The following GFY variants were observed in gnomAD, a reference collection of about 807,000 sequenced individuals.
GFY encodes golgi associated olfactory signaling regulator.
Under a neutral mutation model 29.1 loss-of-function variants are expected in GFY, and 28 were observed. The ratio of observed to expected loss-of-function variants is 0.96; its 90% confidence interval spans 0.71 to 1.32. The LOEUF is 1.32. GFY is among the 40% of genes most tolerant of loss of function. The pLI, the probability that GFY is intolerant of heterozygous loss-of-function variation, is 0.00. For synonymous variants in GFY, 277 were observed against 274.5 expected, an observed-to-expected ratio of 1.01 and a Z score of -0.09; for missense variants, 656 against 661.9, an observed-to-expected ratio of 0.99 and a Z score of 0.10.
rs946119228 is a variant in GFY at position 49,427,330 on chromosome 19, T to G, written c.900T>G (p.Asn300Lys). 8 of 1,536,220 alleles carry G rather than the reference T, an allele frequency of 5.2e-6. No individual in the cohort carries two copies. The highest frequency in any genetic ancestry group is 7.0e-6 in the Non-Finnish European group (8 of 1,146,908). ...VPFKDDATAL[N>K]ELSLNPKPGT... Reference sequence around the variant, plus strand: ...TCAAGGATGACGCCACTGCTCTAAATGAGCTGTCCCTGAATCCCAAACCAG... The same window carrying G: ...TCAAGGATGACGCCACTGCTCTAAAGGAGCTGTCCCTGAATCCCAAACCAG... The change falls in exon 2 of 4, where the codon AAT (asparagine) becomes AAG (lysine). Residue 300 changes from asparagine (N) to lysine (K), a missense_variant. Physicochemically the swap from Asn to Lys is moderately conservative, Grantham distance 94 (BLOSUM62 0). Coordinates refer to ENST00000610896, the MANE Select transcript of GFY (RefSeq NM_001195256.2).
At chr19:49,426,301 C>T (rs1975070730) in intron 1 of GFY, 109 bp from the exon 2 acceptor site, 3 of 1,429,494 alleles carry the variant, frequency 2.1e-6, no homozygotes, top group Non-Finnish European at 2.7e-6. Context: ...CAAGCTGGGC[C>T]CCGGACAGAC....
Position 49,427,609 on chromosome 19 carries a change from G to A in GFY, c.1179G>A (p.Glu393=). Residue 393 remains glutamate (E), a synonymous_variant, in exon 2 of 4, where the codon GAG becomes GAA. Transcript: ENST00000610896. ...TCATCGTGGTGGAGCGAGTGAAGGA[G>A]ACCGGTGAGGGGCAGGAGCCGGACT... ...NTIIVVERVK[E]TGVTLVGRPR... is the part of the protein sequence containing the mutation. The A allele has an allele frequency of 6.8e-7, 1 of 1,462,184 alleles. No individual in the cohort carries two copies. Among genetic ancestry groups the A allele is most frequent in the Non-Finnish European group, 9.0e-7 (1 of 1,113,388 alleles). The allele number at this position is 1,462,184 out of a possible 1,614,324, so 90.6% of individuals were successfully genotyped here.
chr19:49,428,087 A>C lies in GFY; in HGVS notation c.1325A>C (p.His442Pro). 1 of 1,533,994 alleles carries C rather than the reference A, an allele frequency of 6.5e-7. No individual in the cohort carries two copies. The highest frequency in any genetic ancestry group is 1.2e-5 in the South Asian group (1 of 84,032). Residue 442 changes from histidine to proline, a missense_variant, in exon 3 of 4, where the codon CAT becomes CCT. Coordinates refer to ENST00000610896, the MANE Select transcript of GFY (RefSeq NM_001195256.2). ...GCAGCTAGACAGCGGCCCTTCGCACATCACCGGCTTCCGGACGACGGAGAT... is the reference window on the plus strand; with the variant it reads ...GCAGCTAGACAGCGGCCCTTCGCACCTCACCGGCTTCCGGACGACGGAGAT... ...RRAARQRPFA[H>P]HRLPDDGDEP...
upstream of GFY, among the ~76,000 whole-genome samples, chr19:49,424,522 G>A (rs911247751): frequency 2.6e-5 from 4 of 152,116 alleles, no homozygotes; most frequent in Non-Finnish European, 5.9e-5. Context: ...GGGATTACAG[G>A]CGTGAGCCAG....
chr19:49,425,873 G>A (rs148822631), intron 1 of GFY, among the ~76,000 whole-genome samples: 61 of 152,120 alleles, frequency 4.0e-4, no homozygotes, highest in African/African-American at 1.3e-3. Flanking sequence ...CAGGAGCCAG[G>A]AACCTCAGCC....
chr19:49,424,670 G>T (rs552269175), upstream of GFY, among the ~76,000 whole-genome samples: 61 of 152,152 alleles, frequency 4.0e-4, 1 homozygote, highest in South Asian at 0.012. Flanking sequence ...GGCCAACATG[G>T]CGAAACTCCT....
chr19:49,425,497 AC>A lies in GFY; in HGVS notation c.-22+12del. The stretch of plus-strand genomic sequence containing the variant: ...CCTTGGACACCAGAGCAGGTAAGAG[AC>A]CCCAGGACCTCAAGTAAGCCTGTCC... On this transcript the variant is annotated intron_variant, in intron 1 of 3. Coordinates refer to ENST00000610896, the MANE Select transcript of GFY (RefSeq NM_001195256.2). 1 of 152,222 alleles carries A rather than the reference AC, an allele frequency of 6.6e-6. No individual in the cohort carries two copies. Among genetic ancestry groups the A allele is most frequent in the East Asian group, 1.9e-4 (1 of 5,168 alleles). 9.4% of individuals were successfully genotyped at this position (152,222 alleles called of 1,614,324 possible).
At chr19:49,428,454 G>T (rs2078943395) in intron 3 of GFY, among the ~76,000 whole-genome samples, 165 bp from the exon 4 acceptor site, 1 of 151,876 alleles carries the variant, frequency 6.6e-6, no homozygotes, top group Non-Finnish European at 1.5e-5. Flanking sequence ...CCTGGTTTCT[G>T]CAGCGGCCCC....
rs1180332329 is a variant in GFY, at chr19:49,428,007, G to T, written c.1245G>T (p.Ala415=). 10 of 1,535,842 alleles carry T rather than the reference G, an allele frequency of 6.5e-6. No homozygotes were observed. Among genetic ancestry groups the T allele is most frequent in the African/African-American group, 1.4e-5 (1 of 73,056 alleles). Residue 415 remains alanine, a synonymous_variant, in exon 3 of 4, where the codon GCG becomes GCT. Coordinates refer to ENST00000610896, the MANE Select transcript of GFY (RefSeq NM_001195256.2). ...AAGGALCLFF[A]GTALLIGIFV... The stretch of plus-strand genomic sequence containing the variant: ...GCGGGGCCCTCTGCCTGTTCTTCGC[G>T]GGGACCGCGCTGCTGATCGGCATCT...
In GFY at chr19:49,427,092, C is replaced by T; in HGVS notation, c.662C>T (p.Ser221Phe). Residue 221 changes from serine (S) to phenylalanine (F), a missense_variant, in exon 2 of 4, where the codon TCC (serine) becomes TTC (phenylalanine). Physicochemically the swap from Ser to Phe is radical, Grantham distance 155. Transcript: ENST00000610896. ...PKSPEKHDLN[S>F]TETPNSEFLQ... ...TCCCCAGAAAAGCATGACCTCAACT[C>T]CACTGAGACCCCAAACTCTGAATTT... The T allele has an allele frequency of 6.5e-7, 1 of 1,535,742 alleles. No individual in the cohort carries two copies. The highest frequency in any genetic ancestry group is 8.7e-7 in the Non-Finnish European group (1 of 1,146,808).
At position 49,428,903 on chromosome 19, in the gene GFY, C is replaced by A; in HGVS notation, c.*85C>A. 2 of 927,218 alleles carry A rather than the reference C, an allele frequency of 2.2e-6. No individual in the cohort carries two copies. Among genetic ancestry groups the A allele is most frequent in the Non-Finnish European group, 3.1e-6 (2 of 651,928 alleles). The allele number at this position is 927,218 out of a possible 1,614,324, so 57.4% of individuals were successfully genotyped here. ...TGGTATGCTTAGCTAGAGTAGTGCCCCGGATAAAGGGTCTAATATACAGAG... is the reference window on the plus strand; with the variant it reads ...TGGTATGCTTAGCTAGAGTAGTGCCACGGATAAAGGGTCTAATATACAGAG... On this transcript the variant is annotated 3_prime_UTR_variant, in exon 4 of 4. Coordinates refer to ENST00000610896, the MANE Select transcript of GFY (RefSeq NM_001195256.2).
Position 49,428,957 on chromosome 19 carries a change from T to C in GFY, c.*139T>C. 1 of 569,432 alleles carries C rather than the reference T, an allele frequency of 1.8e-6. No individual in the cohort carries two copies. 35.3% of individuals were successfully genotyped at this position (569,432 alleles called of 1,614,324 possible). On this transcript the variant is annotated 3_prime_UTR_variant, in exon 4 of 4. Coordinates refer to ENST00000610896, the MANE Select transcript of GFY (RefSeq NM_001195256.2). ...CTTGCGCTGTGATCAGAGAACAAGGTCTGAGACCGAATAAATATCATGTTC... is the reference window on the plus strand; with the variant it reads ...CTTGCGCTGTGATCAGAGAACAAGGCCTGAGACCGAATAAATATCATGTTC...
intron 3 of GFY, 94 bp from the exon 4 acceptor site, chr19:49,428,525 G>C (rs2078943742): frequency 6.1e-6 from 6 of 975,798 alleles, no homozygotes; most frequent in East Asian, 3.0e-5. Flanking sequence ...CCGGCCTCCT[G>C]ATCGGTCGGC....
At chr19:49,424,119 G>A (rs1975048519), upstream of GFY, 2 of 152,330 alleles carry the variant, frequency 1.3e-5, no homozygotes, top group African/African-American at 4.8e-5. Context: ...AGAGTGAGAA[G>A]AGGGGAAAAC....
Position 49,426,898 on chromosome 19 carries a change from C to A in GFY, c.468C>A (p.Asn156Lys). ...GATCCCCTGAGACCCCCAAACCTAA[C>A]TTCTCCAAAACTTCACGCCCAGAAT... Reference protein sequence around the residue: ...HPGSPETPKPNFSKTSRPEFP... With the variant: ...HPGSPETPKPKFSKTSRPEFP... Residue 156 changes from asparagine (N) to lysine (K), a missense_variant, in exon 2 of 4, where the codon AAC becomes AAA. By Grantham distance (94) the Asn-to-Lys change is moderately conservative. Transcript: ENST00000610896. 2 of 1,535,922 alleles carry A rather than the reference C, an allele frequency of 1.3e-6. No homozygotes were observed. The highest frequency in any genetic ancestry group is 1.7e-6 in the Non-Finnish European group (2 of 1,146,816).
chr19:49,426,592 A>T lies in GFY; in HGVS notation c.162A>T (p.Arg54=). ...AGGGTGCTTCTGAAAATTCCAAACG[A>T]GATCGCCTTAACCCAGAATTTCCTG... is the stretch of plus-strand genomic sequence containing the variant. The part of the protein sequence containing the change: ...PLKGASENSK[R]DRLNPEFPGT... The change falls in exon 2 of 4, where the codon CGA becomes CGT. Residue 54 remains arginine, a synonymous_variant. Coordinates refer to ENST00000610896, the MANE Select transcript of GFY (RefSeq NM_001195256.2). 3.9e-6 allele frequency: 6 copies of T among 1,535,820 alleles called. No individual in the cohort carries two copies. The highest frequency in any genetic ancestry group is 5.2e-6 in the Non-Finnish European group (6 of 1,146,834).
At chr19:49,424,990 G>C (rs1675744673), upstream of GFY, among the ~76,000 whole-genome samples, 1 of 152,096 alleles carries the variant, frequency 6.6e-6, no homozygotes, top group Non-Finnish European at 1.5e-5. Flanking sequence ...GGACTCCTGA[G>C]TCTAAGAGTG....
intron 2 of GFY, 45 bp from the exon 3 acceptor site, chr19:49,427,901 G>A: frequency 6.6e-7 from 1 of 1,509,468 alleles, no homozygotes; most frequent in Non-Finnish European, 8.9e-7. Flanking sequence ...CTGGGTCTGA[G>A]AGAGGAGGGG....
upstream of GFY, among the ~76,000 whole-genome samples, chr19:49,424,188 G>C (rs1975049246): frequency 6.6e-6 from 1 of 152,108 alleles, no homozygotes; most frequent in Non-Finnish European, 1.5e-5. Flanking sequence ...GGAGGAGTTT[G>C]GGGGTGCTGT....
Sources: allele counts gnomAD v4.1 joint callset (sites outside exome capture counted in the v4.1 genomes callset), GRCh38; gene constraint gnomAD v4.1.1; transcripts MANE v1.5; gene names NCBI Gene and HGNC (gene_info 2026-07-23, HGNC 2026-07-21).